TJP1: variants seen among roughly 807,000 people sequenced by gnomAD.
The protein encoded by TJP1 is tight junction protein 1, also known as tight junction protein ZO-1.
In TJP1, 43 loss-of-function variants were observed where a neutral mutation model predicts 194.2. The ratio of observed to expected loss-of-function variants is 0.22; its 90% CI spans 0.17 to 0.29. TJP1 has a LOEUF of 0.29. TJP1 is among the 10% of genes least tolerant of loss of function. The pLI is 1.00. For missense variants in TJP1, 1,971 were observed against 2,185.7 expected, an observed-to-expected ratio of 0.90 and a Z score of 1.96; for synonymous variants, 801 against 779.0, an observed-to-expected ratio of 1.03 and a Z score of -0.47.
intron 2 of TJP1, among the ~76,000 whole-genome samples, chr15:29,859,242 G>A (rs2051979351): frequency 6.6e-6 from 1 of 152,126 alleles, no homozygotes; most frequent in South Asian, 2.1e-4. Flanking sequence ...TGATCAAAGT[G>A]TTCGCATCTA....
chr15:29,923,422 T>C (rs2054427038), intron 2 of TJP1, among the ~76,000 whole-genome samples: 1 of 152,196 alleles, frequency 6.6e-6, no homozygotes, highest in African/African-American at 2.4e-5. Context: ...TCCCTTTCTC[T>C]AACCGCAGAC....
At chr15:29,756,483 C>T (rs2045649591) in intron 8 of TJP1, among the ~76,000 whole-genome samples, 1 of 152,076 alleles carries the variant, frequency 6.6e-6, no homozygotes, top group Admixed American at 6.6e-5. Context: ...AATGGGTTTC[C>T]AATAAAACTT....
At chr15:29,844,558 C>T (rs1390427048) in intron 2 of TJP1, among the ~76,000 whole-genome samples, 1 of 151,948 alleles carries the variant, frequency 6.6e-6, no homozygotes, top group Non-Finnish European at 1.5e-5. Context: ...TGACAAGATG[C>T]GAGGGTAGAC....
At position 29,833,874 on chromosome 15, in the gene TJP1, TATATATA is replaced by T. The variant is rs199814287; in HGVS notation, c.307-33179_307-33173del. On this transcript the variant is annotated intron_variant, in intron 2 of 28. Coordinates refer to the TJP1 transcript ENST00000356107. ...TTTTGTAAGTATATATATATATATA[TATATATA>T]TTTTTTTTTTTTTTTTTTTTGAGAC... 3.6e-3 allele frequency among the ~76,000 whole-genome samples: 82 copies of T among 22,746 alleles called. 1 individual carries two copies. Among genetic ancestry groups the T allele is most frequent in the Admixed American group, 6.4e-3 (13 of 2,036 alleles). 14.9% of individuals were successfully genotyped at this position (22,746 alleles called of 152,430 possible).
At chr15:29,934,069 T>C (rs1342852043) in intron 2 of TJP1, among the ~76,000 whole-genome samples, 1 of 152,188 alleles carries the variant, frequency 6.6e-6, no homozygotes, top group African/African-American at 2.4e-5. Flanking sequence ...AACTCACCCA[T>C]GACATGAGAA....
Position 29,720,391 on chromosome 15 carries a change from T to C in TJP1, c.2730A>G (p.Ile910Met). Residue 910 changes from isoleucine to methionine, a missense_variant, in exon 19 of 28, where the codon ATA (isoleucine) becomes ATG (methionine). Ile to Met is a conservative substitution (Grantham distance 10). Around this residue, in one of 5 missense-constraint regions of TJP1, gnomAD observed 1,108 missense variants for 1,128.5 expected, o/e 0.98. Transcript: ENST00000614355. Reference sequence around the variant, plus strand: ...AGGCTGGCTTAAATCCAGGGGAGTCTATTCTATGAATTGGTTGTGGCTGCG... The same window carrying C: ...AGGCTGGCTTAAATCCAGGGGAGTCCATTCTATGAATTGGTTGTGGCTGCG... Reference protein sequence around the residue: ...PQAQPQPIHRIDSPGFKPASQ... With the variant: ...PQAQPQPIHRMDSPGFKPASQ... 1 of 1,607,536 alleles carries C rather than the reference T, an allele frequency of 6.2e-7. No individual in the cohort carries two copies. Among genetic ancestry groups the C allele is most frequent in the Non-Finnish European group, 8.5e-7 (1 of 1,176,628 alleles).
chr15:29,965,361 C>G (rs2056298025), intron 1 of TJP1, among the ~76,000 whole-genome samples: 1 of 152,074 alleles, frequency 6.6e-6, no homozygotes, highest in Non-Finnish European at 1.5e-5. Context: ...AGGCACACAC[C>G]ACCATGCCTG....
intron 2 of TJP1, among the ~76,000 whole-genome samples, chr15:29,925,644 T>C (rs1596268778): frequency 1.3e-5 from 2 of 152,310 alleles, no homozygotes; most frequent in East Asian, 3.9e-4. Flanking sequence ...CTTAAAGGTA[T>C]GTGTCACACT....
intron 15 of TJP1, 144 bp from the exon 16 acceptor site, chr15:29,728,163 G>T: frequency 1.9e-6 from 1 of 516,972 alleles, no homozygotes; most frequent in South Asian, 3.4e-5. Flanking sequence ...TACTTAAAGT[G>T]AGTTTTAATA....
intron 1 of TJP1, among the ~76,000 whole-genome samples, chr15:29,964,800 A>G (rs74635118): frequency 0.048 from 7,311 of 152,256 alleles, 250 homozygotes; most frequent in South Asian, 0.093. Flanking sequence ...GTTCCTAAGT[A>G]ATGATTCAGA....
At chr15:29,936,115 T>C (rs915669933) in intron 2 of TJP1, among the ~76,000 whole-genome samples, 1 of 152,090 alleles carries the variant, frequency 6.6e-6, no homozygotes, top group Non-Finnish European at 1.5e-5. Flanking sequence ...CCCTCCTCGC[T>C]GGGGGTTTCC....
chr15:29,854,524 G>A (rs900310849), intron 2 of TJP1, among the ~76,000 whole-genome samples: 1 of 152,164 alleles, frequency 6.6e-6, no homozygotes, highest in African/African-American at 2.4e-5. Context: ...ACACGTCCAG[G>A]AATGCCAGGG....
intron 2 of TJP1, among the ~76,000 whole-genome samples, chr15:29,856,735 A>G (rs567131680): frequency 1.8e-4 from 28 of 152,084 alleles, no homozygotes; most frequent in African/African-American, 6.5e-4. Context: ...GCACTTTGGG[A>G]GGCTGAGGCG....
intron 1 of TJP1, among the ~76,000 whole-genome samples, chr15:29,967,319 A>G (rs2056367911): frequency 6.6e-6 from 1 of 152,070 alleles, no homozygotes; most frequent in African/African-American, 2.4e-5. Context: ...TACAGGTGTG[A>G]GCCACTATAC....
At chr15:29,834,524 A>G (rs2050962796) in intron 2 of TJP1, among the ~76,000 whole-genome samples, 1 of 152,222 alleles carries the variant, frequency 6.6e-6, no homozygotes, top group Admixed American at 6.5e-5. Context: ...CCGGCCTGAG[A>G]TGTTTTATAC....
chr15:29,816,959 T>C (rs143496092), intron 1 of TJP1, among the ~76,000 whole-genome samples: 7 of 152,180 alleles, frequency 4.6e-5, no homozygotes, highest in Admixed American at 1.3e-4. Context: ...AATTGACAAA[T>C]GGGATCTAAT....
At chr15:29,879,608 TG>T (rs2052851720) in intron 2 of TJP1, among the ~76,000 whole-genome samples, 1 of 152,228 alleles carries the variant, frequency 6.6e-6, no homozygotes, top group Admixed American at 6.5e-5. Flanking sequence ...ACAGCAATCC[TG>T]TGGTCACCAC....
rs374158901 is a variant in TJP1 at position 29,848,261 on chromosome 15, C to T, written c.307-47559G>A. 2.0e-5 allele frequency among the ~76,000 whole-genome samples: 3 copies of T among 151,984 alleles called. No homozygotes were observed. In the East Asian group the frequency reaches 5.8e-4, roughly 29 times the overall value. Reference sequence around the variant, plus strand: ...TTGTGTTGTTCAGATCTTCTTTCCCCTTGCTGATTTACTATTTAGTATTTC... The same window carrying T: ...TTGTGTTGTTCAGATCTTCTTTCCCTTTGCTGATTTACTATTTAGTATTTC... On this transcript the variant is annotated intron_variant, in intron 2 of 28. Coordinates refer to the TJP1 transcript ENST00000356107.
chr15:29,812,730 C>G (rs1473434277), intron 1 of TJP1, among the ~76,000 whole-genome samples: 1 of 152,202 alleles, frequency 6.6e-6, no homozygotes. Flanking sequence ...CCTGTAAAAA[C>G]AGAGATAATC....
Sources: gnomAD v4.1 joint callset for allele counts (sites outside exome capture counted in the v4.1 genomes callset) on GRCh38, gnomAD v4.1.1 for gene constraint, gnomAD v4.1.1 regional missense constraint, MANE v1.5 for transcripts, NCBI Gene and HGNC (gene_info 2026-07-23, HGNC 2026-07-21) for gene names.